NDRG4: variants seen among roughly 807,000 people sequenced by gnomAD.
NDRG4 encodes the protein protein NDRG4.
Under a neutral mutation model 55.8 loss-of-function variants are expected in NDRG4, and 38 were observed. The ratio of observed to expected loss-of-function variants is 0.68; its 90% CI spans 0.53 to 0.89. NDRG4 has a LOEUF of 0.89. NDRG4 is among the 40% of genes least tolerant of loss of function. The pLI is 0.00. For synonymous variants in NDRG4, 190 were observed against 182.7 expected, an observed-to-expected ratio of 1.04 and a Z score of -0.32; for missense variants, 455 against 468.6, an observed-to-expected ratio of 0.97 and a Z score of 0.27.
Position 58,512,114 on chromosome 16 carries a change from G to A in NDRG4, c.*538G>A, listed in dbSNP as rs1169723433. The A allele has an allele frequency of 2.2e-6, 1 of 456,678 alleles. No individual in the cohort carries two copies. Among genetic ancestry groups the A allele is most frequent in the Non-Finnish European group, 4.4e-6 (1 of 226,948 alleles). The allele number at this position is 456,678 out of a possible 1,614,324, so 28.3% of individuals were successfully genotyped here. ...CGGACCAGGCAGCCACTTTCCTGGTGCTCTCTGGGCCCAGCTGGTGCTGTA... is the reference window on the plus strand; with the variant it reads ...CGGACCAGGCAGCCACTTTCCTGGTACTCTCTGGGCCCAGCTGGTGCTGTA... On this transcript the variant is annotated 3_prime_UTR_variant, in exon 15 of 15. Transcript: ENST00000570248.
At chr16:58,501,138 G>A (rs966887759) in intron 1 of NDRG4, 1 of 1,139,484 alleles carries the variant, frequency 8.8e-7, no homozygotes, top group East Asian at 3.2e-5. Context: ...CCCCACCCCC[G>A]GGCCCCACAC....
intron 2 of NDRG4, among the ~76,000 whole-genome samples, chr16:58,489,311 C>T (rs974363278): frequency 6.6e-6 from 1 of 152,086 alleles, no homozygotes; most frequent in South Asian, 2.1e-4. Context: ...TAAGCCATGT[C>T]ACTTCTCTGC....
chr16:58,515,387 T>C (rs1364423689), downstream of NDRG4: 5 of 810,208 alleles, frequency 6.2e-6, no homozygotes, highest in Non-Finnish European at 7.4e-6. Flanking sequence ...GATGTTTTCA[T>C]GAGGAACGAT....
At chr16:58,478,631 A>T (rs1418153693) in intron 1 of NDRG4, among the ~76,000 whole-genome samples, 1 of 151,154 alleles carries the variant, frequency 6.6e-6, no homozygotes, top group Non-Finnish European at 1.5e-5. Context: ...TAGCATGATA[A>T]CATTGGGGGA....
downstream of NDRG4, among the ~76,000 whole-genome samples, chr16:58,514,548 G>A (rs927937540): frequency 1.4e-4 from 22 of 151,938 alleles, no homozygotes; most frequent in African/African-American, 5.1e-4. Context: ...ACCAGCCTGG[G>A]CAACGCGGTG....
intron 1 of NDRG4, among the ~76,000 whole-genome samples, chr16:58,469,092 G>A (rs2032291246): frequency 6.6e-6 from 1 of 152,180 alleles, no homozygotes; most frequent in African/African-American, 2.4e-5. Context: ...TAGAATTTTG[G>A]TTTCATTTGA....
upstream of NDRG4, among the ~76,000 whole-genome samples, chr16:58,495,825 G>A (rs533061085): frequency 3.9e-5 from 6 of 152,266 alleles, no homozygotes; most frequent in South Asian, 8.3e-4. Flanking sequence ...CAGATCCTCC[G>A]GGAATGCCAT....
chr16:58,510,600 T>C, intron 13 of NDRG4, 45 bp from the exon 14 acceptor site: 3 of 1,505,354 alleles, frequency 2.0e-6, no homozygotes, highest in Non-Finnish European at 1.8e-6. Context: ...CTGTGTTGTG[T>C]CTCCCCCATC....
At chr16:58,470,764 A>T (rs534124956) in intron 1 of NDRG4, among the ~76,000 whole-genome samples, 11 of 152,168 alleles carry the variant, frequency 7.2e-5, no homozygotes, top group African/African-American at 2.6e-4. Context: ...AAAATTAGCC[A>T]GGCATGTTGG....
intron 1 of NDRG4, among the ~76,000 whole-genome samples, chr16:58,482,515 A>G (rs893155866): frequency 7.2e-5 from 11 of 152,274 alleles, no homozygotes; most frequent in Admixed American, 7.2e-4. Flanking sequence ...CTGTCCCCAC[A>G]TCGCATGACC....
At chr16:58,501,775 A>G in intron 1 of NDRG4, 1 of 341,358 alleles carries the variant, frequency 2.9e-6, no homozygotes, top group East Asian at 7.7e-5. Context: ...GGATGGGGAC[A>G]GGGGCGGCCA....
chr16:58,501,800 G>T (rs1208382094), intron 1 of NDRG4: 2 of 352,840 alleles, frequency 5.7e-6, no homozygotes, highest in Admixed American at 6.8e-5. Context: ...AGGGCTGGGA[G>T]AAGACAGTGG....
intron 1 of NDRG4, chr16:58,465,015 A>ATC: frequency 8.1e-7 from 1 of 1,239,596 alleles, no homozygotes; most frequent in Non-Finnish European, 1.0e-6. Flanking sequence ...CCCTGCTGGA[A>ATC]ACTCACATCC....
chr16:58,469,571 A>C (rs2032370751), intron 1 of NDRG4, among the ~76,000 whole-genome samples: 1 of 152,204 alleles, frequency 6.6e-6, no homozygotes, highest in African/African-American at 2.4e-5. Flanking sequence ...TATAGAAGCA[A>C]AAAAGCAAAA....
intron 2 of NDRG4, among the ~76,000 whole-genome samples, chr16:58,491,782 A>AT (rs1001134713): frequency 1.3e-5 from 2 of 151,874 alleles, no homozygotes; most frequent in Admixed American, 6.6e-5. Flanking sequence ...CTTTTTATTT[A>AT]TTTTTTGTTT....
intron 1 of NDRG4, among the ~76,000 whole-genome samples, chr16:58,478,337 C>T (rs1476362079): frequency 4.0e-5 from 6 of 151,416 alleles, no homozygotes; most frequent in African/African-American, 7.3e-5. Flanking sequence ...TGCAGTGAGC[C>T]GAGATCGCGC....
At chr16:58,474,356 C>G (rs1303976349) in intron 1 of NDRG4, among the ~76,000 whole-genome samples, 1 of 152,098 alleles carries the variant, frequency 6.6e-6, no homozygotes, top group Admixed American at 6.5e-5. Flanking sequence ...CTTGCCTGAC[C>G]GGCTTCCTTT....
chr16:58,487,656 A>G, intron 1 of NDRG4: 1 of 921,328 alleles, frequency 1.1e-6, no homozygotes, highest in Non-Finnish European at 1.6e-6. Context: ...GGGACAGTGC[A>G]TCTGGTTTCC....
chr16:58,479,287 C>G (rs2034114763), intron 1 of NDRG4, among the ~76,000 whole-genome samples: 1 of 152,114 alleles, frequency 6.6e-6, no homozygotes, highest in African/African-American at 2.4e-5. Flanking sequence ...TTGAGTGGAG[C>G]TGCCTTGTTT....
Sources: gnomAD v4.1 joint callset for allele counts (sites outside exome capture counted in the v4.1 genomes callset) on GRCh38, gnomAD v4.1.1 for gene constraint, MANE v1.5 for transcripts, NCBI Gene and HGNC (gene_info 2026-07-23, HGNC 2026-07-21) for gene names.